F5: variants seen among roughly 807,000 people sequenced by gnomAD.
The protein encoded by F5 is coagulation factor V, also known as activated protein c cofactor.
A neutral mutation model predicts 216.4 loss-of-function variants in F5; 138 were observed. The observed-to-expected ratio is 0.64, with a 90% confidence interval of 0.56 to 0.73. F5 has a LOEUF of 0.73. Among genes scored for constraint, F5 ranks in the 30% least tolerant of loss-of-function variants. The pLI is 0.00. For missense variants in F5, 2,403 were observed against 2,674.0 expected, an observed-to-expected ratio of 0.90 and a Z score of 2.24; for synonymous variants, 916 against 930.7, an observed-to-expected ratio of 0.98 and a Z score of 0.29.
chr1:169,579,802 T>G (rs10489184), intron 2 of F5, among the ~76,000 whole-genome samples: 2 of 152,172 alleles, frequency 1.3e-5, no homozygotes, highest in South Asian at 4.1e-4. Context: ...CCATGACTAC[T>G]TTCTCTGGCT....
At chr1:169,538,868 T>C (rs930977249) in intron 13 of F5, among the ~76,000 whole-genome samples, 1 of 152,136 alleles carries the variant, frequency 6.6e-6, no homozygotes, top group Admixed American at 6.5e-5. Flanking sequence ...ATTCTGTGTC[T>C]TGACAGTATC....
intron 3 of F5, among the ~76,000 whole-genome samples, chr1:169,565,986 A>T (rs74124518): frequency 0.032 from 4,886 of 152,234 alleles, 258 homozygotes; most frequent in African/African-American, 0.11. Context: ...TATAAAAGAA[A>T]AAAAGTTTAT....
chr1:169,523,130 G>C, intron 21 of F5, 67 bp downstream of exon 21: 4 of 1,533,732 alleles, frequency 2.6e-6, no homozygotes, highest in Non-Finnish European at 3.6e-6. Context: ...TAATCATTAG[G>C]TATAGTCATA....
chr1:169,541,025 CATCTG>C lies in F5; in HGVS notation c.4060_4064del (p.Gln1354AlafsTer35). 6.3e-7 allele frequency: 1 copy of C among 1,588,038 alleles called. No homozygotes were observed. Among genetic ancestry groups the C allele is most frequent in the Non-Finnish European group, 8.6e-7 (1 of 1,162,010 alleles). On this transcript the variant is annotated frameshift_variant, in exon 13 of 25. Transcript: ENST00000367797. LOFTEE classifies it high-confidence loss of function. The stretch of plus-strand genomic sequence containing the variant: ...TATGGCTGGGGTCTGGAGAAAGGGG[CATCTG>C]ACCGAGGGCTGGGGAAAGGTTTGTT...
chr1:169,530,312 C>T (rs1435375149), intron 15 of F5, among the ~76,000 whole-genome samples: 1 of 152,158 alleles, frequency 6.6e-6, no homozygotes, highest in Non-Finnish European at 1.5e-5. Context: ...GTGCTCTTTC[C>T]ACTATGCCTG....
rs1659875854 is a variant in F5 at position 169,542,268 on chromosome 1, T to A, written c.2822A>T (p.Lys941Met). ...LLLLKQSNSS[K>M]ILVGRWHLAS... ...CAAATGCCATCTCCCAACCAAAATC[T>A]TAGATGAGTTACTTTGTTTTAAGAG... The change falls in exon 13 of 25, where the codon AAG becomes ATG. Residue 941 changes from lysine to methionine, a missense_variant. Physicochemically the swap from Lys to Met is moderately conservative, Grantham distance 95. Coordinates refer to ENST00000367797, the MANE Select transcript of F5 (RefSeq NM_000130.5). 3 of 1,614,102 alleles carry A rather than the reference T, an allele frequency of 1.9e-6. No homozygotes were observed. The highest frequency in any genetic ancestry group is 1.7e-5 in the Admixed American group (1 of 60,016).
intron 3 of F5, among the ~76,000 whole-genome samples, chr1:169,570,446 C>CTATGTCACTG (rs1660697580): frequency 6.6e-6 from 1 of 152,128 alleles, no homozygotes; most frequent in Admixed American, 6.6e-5. Context: ...TGGTTGTTCA[C>CTATGTCACTG]TATGTCACTG....
At chr1:169,545,954 G>A (rs1401298282) in intron 11 of F5, among the ~76,000 whole-genome samples, 1 of 152,132 alleles carries the variant, frequency 6.6e-6, no homozygotes, top group Non-Finnish European at 1.5e-5. Flanking sequence ...AAATCTTACT[G>A]ATCACTTGAA....
intron 17 of F5, among the ~76,000 whole-genome samples, chr1:169,526,712 G>C (rs1200894695): frequency 6.6e-6 from 1 of 152,012 alleles, no homozygotes; most frequent in Admixed American, 6.6e-5. Flanking sequence ...AGGTATTTAG[G>C]TTTGCAGATT....
Position 169,555,332 on chromosome 1 carries a change from T to G in F5, c.968A>C (p.Tyr323Ser), listed in dbSNP as rs1241997441. ...PKHLQAGMQA[Y>S]IDIKNCPKKT... ...CTTTGGGCAGTTTTTAATGTCAATG[T>G]AAGCCTGCATCCCAGCTGAGTTAGG... is the stretch of plus-strand genomic sequence containing the variant. Residue 323 changes from tyrosine to serine, a missense_variant, in exon 7 of 25, where the codon TAC (tyrosine) becomes TCC (serine). Transcript: ENST00000367797. 1.2e-6 allele frequency: 2 copies of G among 1,614,014 alleles called. No homozygotes were observed. The highest frequency in any genetic ancestry group is 2.7e-5 in the African/African-American group (2 of 74,918).
intron 3 of F5, among the ~76,000 whole-genome samples, chr1:169,568,179 G>A (rs1660652042): frequency 6.6e-6 from 1 of 152,038 alleles, no homozygotes; most frequent in Admixed American, 6.6e-5. Context: ...ACATTCGCCT[G>A]TCAGTTACAT....
At chr1:169,524,008 T>C (rs1659371860) in intron 19 of F5, 104 bp from the exon 20 acceptor site, 1 of 961,296 alleles carries the variant, frequency 1.0e-6, no homozygotes, top group African/African-American at 1.6e-5. Context: ...GGAGGACCTG[T>C]GTTGTAGTCA....
At chr1:169,573,824 G>A (rs1042609984) in intron 2 of F5, among the ~76,000 whole-genome samples, 4 of 152,060 alleles carry the variant, frequency 2.6e-5, no homozygotes, top group African/African-American at 7.2e-5. Context: ...GAAGAAGAGA[G>A]GATGAAGCAC....
intron 9 of F5, 107 bp from the exon 10 acceptor site, chr1:169,550,122 C>A (rs1008702550): frequency 4.5e-6 from 4 of 893,136 alleles, no homozygotes; most frequent in African/African-American, 1.7e-5. Flanking sequence ...AAAAGGAATT[C>A]TTTTATTTTT....
intron 21 of F5, among the ~76,000 whole-genome samples, chr1:169,521,657 C>T (rs1271405095): frequency 3.8e-5 from 5 of 132,316 alleles, no homozygotes; most frequent in African/African-American, 1.4e-4. Context: ...AGTCTCACTC[C>T]GTCACCAGGC....
chr1:169,547,723 C>T (rs1312357402), intron 10 of F5, among the ~76,000 whole-genome samples: 1 of 151,982 alleles, frequency 6.6e-6, no homozygotes, highest in Non-Finnish European at 1.5e-5. Flanking sequence ...GAAAAAGGAA[C>T]ACTTATACAC....
chr1:169,534,053 T>C (rs571927798), intron 14 of F5, among the ~76,000 whole-genome samples: 12 of 152,332 alleles, frequency 7.9e-5, no homozygotes, highest in Admixed American at 5.9e-4. Flanking sequence ...AGACATTGTA[T>C]AGAAAAGCAC....
chr1:169,537,067 G>C (rs2101815522), intron 13 of F5, among the ~76,000 whole-genome samples: 1 of 151,966 alleles, frequency 6.6e-6, no homozygotes, highest in African/African-American at 2.4e-5. Flanking sequence ...TCTCTCACTG[G>C]GTATAAGTGC....
rs780727212 is a variant in F5 at position 169,542,710 on chromosome 1, G to A, written c.2380C>T (p.Pro794Ser). The change falls in exon 13 of 25, where the codon CCT becomes TCT. Residue 794 changes from proline to serine, a missense_variant. This residue lies in a region of F5 where 1,425 missense variants were observed against 1,554.8 expected (regional missense o/e 0.92). Coordinates refer to ENST00000367797, the MANE Select transcript of F5 (RefSeq NM_000130.5). ...TGTTGGTGAGAAGGGGCTTTCTGAG[G>A]TTCTGCAAGGTTATTGACAGTGAAC... ...SKFTVNNLAE[P>S]QKAPSHQQAT... 1.1e-5 allele frequency: 17 copies of A among 1,614,082 alleles called. No homozygotes were observed. The highest frequency in any genetic ancestry group is 2.2e-5 in the South Asian group (2 of 91,076).
Sources: gnomAD v4.1 joint callset for allele counts (sites outside exome capture counted in the v4.1 genomes callset) on GRCh38, gnomAD v4.1.1 for gene constraint, gnomAD v4.1.1 regional missense constraint, MANE v1.5 for transcripts, NCBI Gene and HGNC (gene_info 2026-07-23, HGNC 2026-07-21) for gene names.